KCNN2: variants seen among roughly 807,000 people sequenced by gnomAD.
KCNN2 encodes the protein potassium calcium-activated channel subfamily N member 2.
Under a neutral mutation model 55.5 loss-of-function variants are expected in KCNN2, and 24 were observed. That is an observed-to-expected ratio of 0.43 (90% confidence interval 0.31 to 0.61). The LOEUF (loss-of-function observed/expected upper bound fraction) is 0.61. Ranked by LOEUF, KCNN2 falls within the 20% of genes least tolerant of loss-of-function variation. The pLI, the probability that KCNN2 is intolerant of heterozygous loss-of-function variation, is 0.08. For synonymous variants in KCNN2, 431 were observed against 336.1 expected (o/e 1.28, Z -3.09); for missense variants, 754 against 853.6 (o/e 0.88, Z 1.45).
At chr5:114,295,323 A>C (rs1415319522) in intron 2 of KCNN2, among the ~76,000 whole-genome samples, 1 of 152,198 alleles carries the variant, frequency 6.6e-6, no homozygotes, top group African/African-American at 2.4e-5. Flanking sequence ...AGAGGCAGGA[A>C]GGCCTCCTTG....
intron 1 of KCNN2, among the ~76,000 whole-genome samples, chr5:114,106,508 G>T (rs571678127): frequency 6.6e-6 from 1 of 151,360 alleles, no homozygotes; most frequent in African/African-American, 2.4e-5. Flanking sequence ...TAGTTGCTCC[G>T]CATTCTCACT....
chr5:114,245,203 C>A (rs1301860786), intron 2 of KCNN2, among the ~76,000 whole-genome samples: 2 of 152,144 alleles, frequency 1.3e-5, no homozygotes, highest in Non-Finnish European at 2.9e-5. Context: ...GGAATATTTT[C>A]TTTCTAAATC....
chr5:114,117,013 C>G (rs191692957), intron 1 of KCNN2, among the ~76,000 whole-genome samples: 5 of 151,982 alleles, frequency 3.3e-5, no homozygotes, highest in African/African-American at 1.2e-4. Context: ...TAAGAAGGCT[C>G]GGAGGGCTCT....
intron 1 of KCNN2, among the ~76,000 whole-genome samples, chr5:114,151,184 G>T (rs1312458963): frequency 1.3e-5 from 2 of 151,516 alleles, no homozygotes; most frequent in Non-Finnish European, 2.9e-5. Context: ...GGGTAGAGTT[G>T]AGAAAAAAAT....
intron 1 of KCNN2, among the ~76,000 whole-genome samples, chr5:114,097,567 G>A (rs931426780): frequency 2.0e-5 from 3 of 152,036 alleles, no homozygotes; most frequent in South Asian, 2.1e-4. Context: ...GCTGTCTCTC[G>A]CCACTTCCTG....
chr5:114,239,030 T>C (rs1031462522), intron 2 of KCNN2, among the ~76,000 whole-genome samples: 1 of 152,156 alleles, frequency 6.6e-6, no homozygotes, highest in Non-Finnish European at 1.5e-5. Context: ...GATTTAGTTT[T>C]TATGTTGATG....
chr5:114,150,641 T>C (rs1752502238), intron 1 of KCNN2, among the ~76,000 whole-genome samples: 1 of 152,178 alleles, frequency 6.6e-6, no homozygotes, highest in Non-Finnish European at 1.5e-5. Context: ...CGTCTTTTCC[T>C]GTGACAAGAA....
At chr5:114,260,364 C>CT (rs1262694848) in intron 2 of KCNN2, among the ~76,000 whole-genome samples, 48 of 152,346 alleles carry the variant, frequency 3.2e-4, no homozygotes, top group African/African-American at 1.2e-3. Context: ...CTCTATACCT[C>CT]AGCCTCATTG....
chr5:114,200,494 G>T (rs1753652394), intron 1 of KCNN2, among the ~76,000 whole-genome samples: 1 of 151,798 alleles, frequency 6.6e-6, no homozygotes, highest in Non-Finnish European at 1.5e-5. Context: ...TCACTATTAT[G>T]AGTTTTTTAC....
intron 5 of KCNN2, among the ~76,000 whole-genome samples, chr5:114,486,390 T>C (rs1228636631): frequency 1.3e-5 from 2 of 152,208 alleles, no homozygotes; most frequent in African/African-American, 2.4e-5. Context: ...TATCCATGCC[T>C]TTCATCAGCT....
At chr5:114,298,091 G>A (rs1355136933) in intron 2 of KCNN2, among the ~76,000 whole-genome samples, 1 of 152,206 alleles carries the variant, frequency 6.6e-6, no homozygotes, top group Non-Finnish European at 1.5e-5. Flanking sequence ...CTGATACTAA[G>A]TAAGTGCTCC....
At chr5:114,466,911 G>T (rs916885069) in intron 4 of KCNN2, among the ~76,000 whole-genome samples, 1 of 152,066 alleles carries the variant, frequency 6.6e-6, no homozygotes, top group Non-Finnish European at 1.5e-5. Context: ...CAAAAGCAAT[G>T]CGTAAAGCTT....
At chr5:114,481,060 A>G (rs781695138) in intron 5 of KCNN2, among the ~76,000 whole-genome samples, 18 of 152,150 alleles carry the variant, frequency 1.2e-4, no homozygotes, top group Admixed American at 4.6e-4. Flanking sequence ...GAGGAAGTCA[A>G]ATTACCTTTG....
At chr5:114,199,550 C>T (rs1753627674) in intron 1 of KCNN2, among the ~76,000 whole-genome samples, 1 of 151,376 alleles carries the variant, frequency 6.6e-6, no homozygotes, top group African/African-American at 2.4e-5. Context: ...TCTGTCATGT[C>T]CCCATTTGAT....
chr5:114,099,035 A>C (rs918454231), intron 1 of KCNN2, among the ~76,000 whole-genome samples: 1 of 152,150 alleles, frequency 6.6e-6, no homozygotes, highest in Admixed American at 6.6e-5. Flanking sequence ...AAATGACTTG[A>C]AGCAATTTTA....
chr5:114,410,719 T>C (rs887007456), intron 3 of KCNN2, among the ~76,000 whole-genome samples: 4 of 151,982 alleles, frequency 2.6e-5, no homozygotes, highest in African/African-American at 7.2e-5. Context: ...GGTGGTAGTG[T>C]TCCCAAGCAG....
intron 2 of KCNN2, among the ~76,000 whole-genome samples, chr5:114,294,780 G>A (rs1481735911): frequency 2.0e-5 from 3 of 152,148 alleles, no homozygotes; most frequent in Non-Finnish European, 4.4e-5. Context: ...TCTGTCTAAT[G>A]TTGACAGTGG....
At chr5:114,249,473 G>A (rs148664796) in intron 2 of KCNN2, among the ~76,000 whole-genome samples, 282 of 151,710 alleles carry the variant, frequency 1.9e-3, no homozygotes, top group African/African-American at 6.6e-3. Flanking sequence ...TTTTACTAGA[G>A]ATGAGGTTTC....
intron 1 of KCNN2, among the ~76,000 whole-genome samples, chr5:114,161,621 C>T (rs1049694236): frequency 2.6e-5 from 4 of 152,226 alleles, no homozygotes; most frequent in Non-Finnish European, 5.9e-5. Flanking sequence ...GCATTCTCCC[C>T]ATCACGTTCA....
Sources: gnomAD v4.1 joint callset for allele counts (sites outside exome capture counted in the v4.1 genomes callset) on GRCh38, gnomAD v4.1.1 for gene constraint, MANE v1.5 for transcripts, NCBI Gene and HGNC (gene_info 2026-07-23, HGNC 2026-07-21) for gene names.